THEMIS: variants seen among roughly 807,000 people sequenced by gnomAD.
THEMIS encodes the protein thymocyte selection associated.
THEMIS carries 37 observed loss-of-function variants against 52.6 expected under a neutral mutation model. The ratio of observed to expected loss-of-function variants is 0.70; its 90% CI spans 0.54 to 0.93. The LOEUF (loss-of-function observed/expected upper bound fraction) is 0.93, where lower values mean the gene tolerates loss of function less well. Ranked by LOEUF, THEMIS falls within the 40% of genes least tolerant of loss-of-function variation. THEMIS has a pLI of 0.00. For missense variants in THEMIS, 808 were observed against 763.1 expected (o/e 1.06, Z -0.69); for synonymous variants, 292 against 272.7 (o/e 1.07, Z -0.70).
At chr6:127,770,367 T>C (rs1205710569) in intron 4 of THEMIS, among the ~76,000 whole-genome samples, 1 of 152,238 alleles carries the variant, frequency 6.6e-6, no homozygotes, top group African/African-American at 2.4e-5. Context: ...ATTTTTCTAA[T>C]GGCCAGTGAT....
chr6:127,803,536 T>C (rs1777605155), intron 4 of THEMIS, among the ~76,000 whole-genome samples: 1 of 152,212 alleles, frequency 6.6e-6, no homozygotes, highest in South Asian at 2.1e-4. Context: ...ATATTCTCTC[T>C]GGATCTTATA....
rs934988067 is a variant in THEMIS at position 127,915,509 on chromosome 6, C to A, written c.-150+2919G>T. 2.9e-5 allele frequency among the ~76,000 whole-genome samples: 4 copies of A among 139,570 alleles called. No homozygotes were observed. The East Asian group carries it at 9.6e-4, about 33-fold the overall frequency. 91.6% of individuals were successfully genotyped at this position (139,570 alleles called of 152,430 possible). A position where few individuals can be genotyped will look rare whatever the true frequency, so the allele number is the denominator to read the frequency against. Reference sequence around the variant, plus strand: ...TCATACTTACTAAGTAAAGGCAGGGCAAATAAAGATGATGGGCTCTGTACT... The same window carrying A: ...TCATACTTACTAAGTAAAGGCAGGGAAAATAAAGATGATGGGCTCTGTACT... On this transcript the variant is annotated intron_variant, in intron 1 of 6. Coordinates refer to the THEMIS transcript ENST00000368250.
At chr6:127,703,208 C>T (rs183487572), downstream of THEMIS, among the ~76,000 whole-genome samples, 3,271 of 151,142 alleles carry the variant, frequency 0.022, 117 homozygotes, top group African/African-American at 0.075. Context: ...CCACTACGCC[C>T]GGCTAATTTT....
At chr6:127,769,213 A>G (rs183961930) in intron 4 of THEMIS, among the ~76,000 whole-genome samples, 1 of 152,286 alleles carries the variant, frequency 6.6e-6, no homozygotes, top group East Asian at 1.9e-4. Context: ...TTAAGATGCC[A>G]TTTAATTGTG....
intron 2 of THEMIS, among the ~76,000 whole-genome samples, chr6:127,850,190 C>T (rs1351885514): frequency 3.3e-5 from 5 of 151,864 alleles, no homozygotes; most frequent in Admixed American, 2.0e-4. Context: ...CAATGAGATA[C>T]CACCTTACTC....
intron 2 of THEMIS, among the ~76,000 whole-genome samples, chr6:127,839,703 T>C (rs1778983526): frequency 6.6e-6 from 1 of 152,052 alleles, no homozygotes; most frequent in African/African-American, 2.4e-5. Flanking sequence ...TTTTAATTCA[T>C]TAATTTCTGG....
At chr6:127,864,791 C>T (rs536166809) in intron 1 of THEMIS, among the ~76,000 whole-genome samples, 4 of 152,188 alleles carry the variant, frequency 2.6e-5, no homozygotes, top group Admixed American at 2.0e-4. Flanking sequence ...ATCAAAGGTC[C>T]GCATATCCAC....
chr6:127,736,676 C>T (rs1021837265), intron 4 of THEMIS, among the ~76,000 whole-genome samples: 28 of 152,006 alleles, frequency 1.8e-4, no homozygotes, highest in African/African-American at 6.3e-4. Flanking sequence ...GCTAAAGACT[C>T]ATCATTTTCA....
At chr6:127,734,526 C>A (rs527264699) in intron 4 of THEMIS, among the ~76,000 whole-genome samples, 1 of 152,082 alleles carries the variant, frequency 6.6e-6, no homozygotes, top group South Asian at 2.1e-4. Flanking sequence ...AACGTTTGGT[C>A]TAAGTCTTGA....
chr6:127,729,141 T>A (rs1163786491), intron 4 of THEMIS, among the ~76,000 whole-genome samples: 1 of 882 alleles, frequency 1.1e-3, no homozygotes, highest in African/African-American at 5.1e-3. Flanking sequence ...ACCAATTTAT[T>A]CTCTCTCTCT....
intron 2 of THEMIS, among the ~76,000 whole-genome samples, chr6:127,848,432 A>T (rs1453451999): frequency 6.6e-6 from 1 of 151,978 alleles, no homozygotes; most frequent in African/African-American, 2.4e-5. Context: ...TCCTTTGGGT[A>T]TATACCCAGT....
chr6:127,916,737 CA>C (rs1781535385), intron 1 of THEMIS, among the ~76,000 whole-genome samples: 1 of 152,186 alleles, frequency 6.6e-6, no homozygotes, highest in South Asian at 2.1e-4. Context: ...CTCTAATATC[CA>C]TAAAATAAAT....
chr6:127,875,956 C>T (rs569735602), intron 1 of THEMIS, among the ~76,000 whole-genome samples: 1 of 152,264 alleles, frequency 6.6e-6, no homozygotes, highest in East Asian at 1.9e-4. Flanking sequence ...ATAGAAAGGG[C>T]ATTCCAGAAA....
intron 1 of THEMIS, among the ~76,000 whole-genome samples, chr6:127,888,903 T>A (rs1780723276): frequency 6.6e-6 from 1 of 152,128 alleles, no homozygotes; most frequent in Admixed American, 6.6e-5. Flanking sequence ...CTCTTTAGAA[T>A]ATGCCTGGTT....
chr6:127,817,921 T>A (rs1451030271), intron 3 of THEMIS, among the ~76,000 whole-genome samples: 2 of 152,200 alleles, frequency 1.3e-5, no homozygotes, highest in East Asian at 3.8e-4. Context: ...AATTTCCTTG[T>A]GCTTCTGGCA....
chr6:127,845,475 C>T lies in THEMIS; in HGVS notation c.250+9555G>A, dbSNP rs145950176. Among the ~76,000 whole-genome samples the T allele has an allele frequency of 3.9e-5, 6 of 151,906 alleles. No homozygotes were observed. In the East Asian group the frequency reaches 5.8e-4, roughly 15 times the overall value. ...ACTTGTATTCCCATTCTCTCCTCCC[C>T]GACACTCAGGTCCACAGTAACCTTG... On this transcript the variant is annotated intron_variant, in intron 2 of 5. Transcript: ENST00000368248.
chr6:127,732,348 T>C (rs1774842454), intron 4 of THEMIS, among the ~76,000 whole-genome samples: 2 of 152,244 alleles, frequency 1.3e-5, no homozygotes, highest in South Asian at 4.1e-4. Context: ...GTGAAAACTG[T>C]CAGGTTTTTA....
At chr6:127,912,073 C>A (rs571326109) in intron 1 of THEMIS, among the ~76,000 whole-genome samples, 176 of 152,262 alleles carry the variant, frequency 1.2e-3, no homozygotes, top group Admixed American at 4.3e-3. Context: ...AGTCATGGGG[C>A]AGAACTACCC....
Position 127,725,272 on chromosome 6 carries a change from A to C in THEMIS, c.1759-5449T>G, listed in dbSNP as rs1774500946. Reference sequence around the variant, plus strand: ...ATCTCTCATTAACTAACTTTCTTCCAGAGAATTAAATTCTACTTAAAATAA... The same window carrying C: ...ATCTCTCATTAACTAACTTTCTTCCCGAGAATTAAATTCTACTTAAAATAA... On this transcript the variant is annotated intron_variant, in intron 4 of 5. Coordinates refer to ENST00000368248, the MANE Select transcript of THEMIS (RefSeq NM_001010923.3). 2.6e-5 allele frequency among the ~76,000 whole-genome samples: 4 copies of C among 152,158 alleles called. No homozygotes were observed. The South Asian group carries it at 8.3e-4, about 31-fold the overall frequency.
Sources: allele counts gnomAD v4.1 joint callset (sites outside exome capture counted in the v4.1 genomes callset), GRCh38; gene constraint gnomAD v4.1.1; transcripts MANE v1.5; gene names NCBI Gene and HGNC (gene_info 2026-07-23, HGNC 2026-07-21).